The following ATP6V1H variants were observed in gnomAD, a reference collection of about 807,000 sequenced individuals.
ATP6V1H encodes ATPase H+ transporting V1 subunit H.
Under a neutral mutation model 71.7 loss-of-function variants are expected in ATP6V1H, and 39 were observed. That is an observed-to-expected ratio of 0.54 (90% CI 0.42 to 0.71). The LOEUF is 0.71. Ranked by LOEUF, ATP6V1H falls within the 30% of genes least tolerant of loss-of-function variation. The pLI is 0.00. For missense variants in ATP6V1H, 509 were observed against 594.9 expected (o/e 0.86, Z 1.50); for synonymous variants, 192 against 199.3 (o/e 0.96, Z 0.31).
At chr8:53,824,091 T>TA (rs1810750706) in intron 4 of ATP6V1H, among the ~76,000 whole-genome samples, 1 of 151,674 alleles carries the variant, frequency 6.6e-6, no homozygotes, top group African/African-American at 2.4e-5. Context: ...TAAGATTTAA[T>TA]AAGATTAGTC....
At chr8:53,784,751 A>C (rs955766141) in intron 9 of ATP6V1H, among the ~76,000 whole-genome samples, 6 of 152,294 alleles carry the variant, frequency 3.9e-5, no homozygotes, top group African/African-American at 1.4e-4. Flanking sequence ...AAAATCTCTC[A>C]GCATTTGCTT....
chr8:53,811,238 CATT>C, intron 6 of ATP6V1H, 21 bp from the exon 7 acceptor site: 1 of 1,602,826 alleles, frequency 6.2e-7, no homozygotes, highest in Non-Finnish European at 8.5e-7. Flanking sequence ...ATAAATAACT[CATT>C]ATTTAGTTTT....
At chr8:53,781,855 G>C (rs1157617466) in intron 9 of ATP6V1H, among the ~76,000 whole-genome samples, 1 of 151,688 alleles carries the variant, frequency 6.6e-6, no homozygotes, top group Non-Finnish European at 1.5e-5. Flanking sequence ...AGTTGTAGAT[G>C]TGTGGCATTA....
intron 1 of ATP6V1H, chr8:53,842,488 G>A (rs1156881176): frequency 6.6e-6 from 1 of 152,204 alleles, no homozygotes; most frequent in Non-Finnish European, 1.5e-5. Flanking sequence ...TGGCCACAAA[G>A]AAGTTAAAAT....
intron 9 of ATP6V1H, among the ~76,000 whole-genome samples, chr8:53,781,313 G>A (rs1022233066): frequency 3.3e-5 from 5 of 152,150 alleles, no homozygotes; most frequent in Admixed American, 6.5e-5. Context: ...ATTTTTTCAT[G>A]TGTTTTATGG....
chr8:53,780,404 AT>A (rs1809065885), intron 9 of ATP6V1H, among the ~76,000 whole-genome samples: 1 of 152,148 alleles, frequency 6.6e-6, no homozygotes, highest in African/African-American at 2.4e-5. Context: ...TCATTGTGTC[AT>A]CTTGCTATAA....
intron 13 of ATP6V1H, among the ~76,000 whole-genome samples, chr8:53,740,147 C>G (rs1316584735): frequency 6.6e-6 from 1 of 152,156 alleles, no homozygotes; most frequent in Admixed American, 6.5e-5. Context: ...TATCAAGAAA[C>G]TTAATATTTA....
chr8:53,801,113 C>T (rs2130433259), intron 8 of ATP6V1H, among the ~76,000 whole-genome samples: 1 of 152,294 alleles, frequency 6.6e-6, no homozygotes, highest in South Asian at 2.1e-4. Context: ...ATTTGGGTCC[C>T]TTCACAGGTA....
chr8:53,762,240 AATACAAGATCT>A, intron 11 of ATP6V1H, among the ~76,000 whole-genome samples: 1 of 151,954 alleles, frequency 6.6e-6, no homozygotes, highest in African/African-American at 2.4e-5. Flanking sequence ...GAAAAACTGT[AATACAAGATCT>A]ATAGGAACAC....
Position 53,802,294 on chromosome 8 carries a change from A to G in ATP6V1H, c.580-398T>C, listed in dbSNP as rs376780732. Among the ~76,000 whole-genome samples the G allele has an allele frequency of 1.1e-3, 171 of 152,342 alleles. No individual in the cohort carries two copies. In the South Asian group the frequency reaches 0.034, roughly 31 times the overall value. ...AAAGAACAATAAAATTAACAAAAAGAAGAGTAAATACTTCAAGATAGGCCT... is the reference window on the plus strand; with the variant it reads ...AAAGAACAATAAAATTAACAAAAAGGAGAGTAAATACTTCAAGATAGGCCT... On this transcript the variant is annotated intron_variant, in intron 7 of 13. Transcript: ENST00000359530.
At chr8:53,835,990 C>T (rs1049136105) in intron 2 of ATP6V1H, among the ~76,000 whole-genome samples, 1 of 152,142 alleles carries the variant, frequency 6.6e-6, no homozygotes, top group Non-Finnish European at 1.5e-5. Flanking sequence ...ACCCTACAGG[C>T]GCAGAACTAA....
chr8:53,826,396 A>C (rs1330934079), intron 4 of ATP6V1H, among the ~76,000 whole-genome samples: 2 of 152,198 alleles, frequency 1.3e-5, no homozygotes, highest in South Asian at 2.1e-4. Flanking sequence ...AACCAACCAC[A>C]ATGTCCATCA....
At chr8:53,720,908 G>T (rs1350425384) in intron 13 of ATP6V1H, among the ~76,000 whole-genome samples, 1 of 152,018 alleles carries the variant, frequency 6.6e-6, no homozygotes, top group Non-Finnish European at 1.5e-5. Flanking sequence ...AAATCATAAT[G>T]TTCTTGGAAT....
intron 12 of ATP6V1H, among the ~76,000 whole-genome samples, chr8:53,744,288 C>T (rs1326548879): frequency 3.9e-5 from 6 of 152,212 alleles, no homozygotes; most frequent in Admixed American, 2.0e-4. Context: ...TCGAGACCAC[C>T]GAGATGACTG....
chr8:53,744,067 A>G (rs936860209), intron 12 of ATP6V1H, among the ~76,000 whole-genome samples: 6 of 152,112 alleles, frequency 3.9e-5, no homozygotes, highest in African/African-American at 1.2e-4. Context: ...TCTAATTTTC[A>G]TAACAACATA....
At position 53,778,842 on chromosome 8, in the gene ATP6V1H, G is replaced by T. The variant is rs143224485; in HGVS notation, c.871-6675C>A. On this transcript the variant is annotated intron_variant, in intron 9 of 13. Transcript: ENST00000359530. ...TGCCTAAAAGAGACAAACTAAATAT[G>T]ACACAGGTAAGTTGAAACTAAGAAG... Among the ~76,000 whole-genome samples, 339 of 152,222 alleles carry T rather than the reference G, an allele frequency of 2.2e-3. 2 individuals carry two copies. Among genetic ancestry groups the T allele is most frequent in the African/African-American group, 7.9e-3 (328 of 41,554 alleles).
chr8:53,833,750 A>G (rs577969891), intron 2 of ATP6V1H, among the ~76,000 whole-genome samples: 7 of 152,080 alleles, frequency 4.6e-5, no homozygotes, highest in South Asian at 4.2e-4. Flanking sequence ...GAGAGATTCA[A>G]TCGAGAGTCC....
intron 13 of ATP6V1H, among the ~76,000 whole-genome samples, chr8:53,716,888 C>G (rs1206404703): frequency 6.6e-6 from 1 of 152,162 alleles, no homozygotes; most frequent in East Asian, 1.9e-4. Flanking sequence ...GAAAAAGAGG[C>G]TTTTTAAGAA....
intron 7 of ATP6V1H, among the ~76,000 whole-genome samples, chr8:53,802,333 C>A (rs938555789): frequency 6.6e-6 from 1 of 152,048 alleles, no homozygotes; most frequent in East Asian, 1.9e-4. Flanking sequence ...TGTAAATGAC[C>A]GTGGACAAGT....
Sources: allele counts gnomAD v4.1 joint callset (sites outside exome capture counted in the v4.1 genomes callset), GRCh38; gene constraint gnomAD v4.1.1; transcripts MANE v1.5; gene names NCBI Gene and HGNC (gene_info 2026-07-23, HGNC 2026-07-21).